The following SMAD4 variants were observed in gnomAD, a reference collection of about 807,000 sequenced individuals.
SMAD4 encodes MAD homolog 4.
SMAD4 carries 7 observed loss-of-function variants against 63.2 expected under a neutral mutation model. The ratio of observed to expected loss-of-function variants is 0.11; its 90% confidence interval spans 0.06 to 0.21. The LOEUF (loss-of-function observed/expected upper bound fraction) is 0.21, where lower values mean the gene tolerates loss of function less well. Among genes scored for constraint, SMAD4 ranks in the 10% least tolerant of loss-of-function variants. The pLI, the probability that SMAD4 is intolerant of heterozygous loss-of-function variation, is 1.00. For synonymous variants in SMAD4, 215 were observed against 235.4 expected, an observed-to-expected ratio of 0.91 and a Z score of 0.79; for missense variants, 312 against 693.8, an observed-to-expected ratio of 0.45 and a Z score of 6.18.
chr18:51,065,912 A>G (rs1393532374), intron 9 of SMAD4, among the ~76,000 whole-genome samples: 2 of 152,342 alleles, frequency 1.3e-5, no homozygotes, highest in East Asian at 3.9e-4. Context: ...ATTTCTACAA[A>G]TTACTGAAAG....
rs757702252 is a variant in SMAD4 at position 51,047,054 on chromosome 18, A to G, written c.8A>G (p.Asn3Ser). 2 of 1,613,598 alleles carry G rather than the reference A, an allele frequency of 1.2e-6. No homozygotes were observed. The highest frequency in any genetic ancestry group is 8.5e-7 in the Non-Finnish European group (1 of 1,179,530). The change falls in exon 2 of 12, where the codon AAT becomes AGT. Residue 3 changes from asparagine to serine, a missense_variant. This residue lies in a region of SMAD4 where 37 missense variants were observed against 87.3 expected (regional missense o/e 0.42). Transcript: ENST00000342988. ...AAGGAAAAACTTGAACAAATGGACA[A>G]TATGTCTATTACGAATACACCAACA... Reference protein sequence around the residue: MDNMSITNTPTSN... With the variant: MDSMSITNTPTSN...
At chr18:51,064,331 T>A (rs1357658519) in intron 8 of SMAD4, among the ~76,000 whole-genome samples, 6 of 152,248 alleles carry the variant, frequency 3.9e-5, no homozygotes, top group Non-Finnish European at 2.9e-5. Context: ...CCATCCAGTC[T>A]GAAGTGTTCT....
In SMAD4 at chr18:51,058,455, C is replaced by A. The variant is rs746084369; in HGVS notation, c.903C>A (p.Tyr301Ter). 1 of 1,602,546 alleles carries A rather than the reference C, an allele frequency of 6.2e-7. No individual in the cohort carries two copies. The highest frequency in any genetic ancestry group is 8.5e-7 in the Non-Finnish European group (1 of 1,170,550). The change falls in exon 7 of 12, where the codon TAC becomes TAA. Residue 301 changes from tyrosine to a stop codon, truncating the protein, a stop_gained and splice_region_variant. Transcript: ENST00000342988. LOFTEE classifies it high-confidence loss of function. ...HPPMPPHPGH[Y>*]WPVHNELAFQ... Reference sequence around the variant, plus strand: ...CTATGCCGCCCCATCCCGGACATTACTGTAAGCTCTTGTTTTTGTTGTAAG... The same window carrying A: ...CTATGCCGCCCCATCCCGGACATTAATGTAAGCTCTTGTTTTTGTTGTAAG...
chr18:51,036,817 T>C (rs766698684), intron 1 of SMAD4, among the ~76,000 whole-genome samples: 2 of 152,164 alleles, frequency 1.3e-5, no homozygotes, highest in African/African-American at 2.4e-5. Context: ...ACATCCCCCT[T>C]TGAAGGAATA....
chr18:51,076,836 A>C (rs2144475162), intron 11 of SMAD4, 60 bp downstream of exon 11: 1 of 1,321,374 alleles, frequency 7.6e-7, no homozygotes, highest in Non-Finnish European at 1.0e-6. Flanking sequence ...ATCTTGATTT[A>C]CTCAGTTGAT....
At chr18:51,035,226 G>A (rs1364010578) in intron 1 of SMAD4, among the ~76,000 whole-genome samples, 1 of 152,078 alleles carries the variant, frequency 6.6e-6, no homozygotes, top group African/African-American at 2.4e-5. Context: ...TGAACTGTCT[G>A]GTAGTAAGTT....
At chr18:51,052,585 C>G (rs1251743864) in intron 4 of SMAD4, 1 of 243,824 alleles carries the variant, frequency 4.1e-6, no homozygotes, top group African/African-American at 2.3e-5. Context: ...TTTTTCTGGA[C>G]TTTAAAAAAT....
At chr18:51,034,392 G>A (rs990926404) in intron 1 of SMAD4, among the ~76,000 whole-genome samples, 5 of 151,818 alleles carry the variant, frequency 3.3e-5, no homozygotes, top group South Asian at 2.1e-4. Context: ...GATTACAGGC[G>A]TGCGCCACCA....
intron 5 of SMAD4, among the ~76,000 whole-genome samples, chr18:51,055,585 A>G (rs926726813): frequency 2.0e-5 from 3 of 151,418 alleles, no homozygotes; most frequent in South Asian, 2.1e-4. Context: ...CATAGGAGGG[A>G]GAGGGGCTGC....
At chr18:51,039,130 A>G (rs1909296744) in intron 1 of SMAD4, among the ~76,000 whole-genome samples, 1 of 152,160 alleles carries the variant, frequency 6.6e-6, no homozygotes, top group South Asian at 2.1e-4. Context: ...GAATAAAGGG[A>G]TCCTGAGATC....
chr18:51,060,293 C>T (rs1338756318), intron 8 of SMAD4, among the ~76,000 whole-genome samples: 1 of 152,170 alleles, frequency 6.6e-6, no homozygotes. Flanking sequence ...AAAAATAATT[C>T]ACTCTATTCA....
Position 51,040,421 on chromosome 18 carries a change from C to CAA in SMAD4, c.-127-6485_-127-6484dup, listed in dbSNP as rs11444945. Among the ~76,000 whole-genome samples the CAA allele has an allele frequency of 6.4e-3, 888 of 138,498 alleles. 10 individuals are homozygous for CAA. The highest frequency in any genetic ancestry group is 0.018 in the African/African-American group (669 of 37,208). The allele number at this position is 138,498 out of a possible 152,430, so 90.9% of individuals were successfully genotyped here. A position where few individuals can be genotyped will look rare whatever the true frequency, so the allele number is the denominator to read the frequency against. On this transcript the variant is annotated intron_variant, in intron 1 of 11. Coordinates refer to ENST00000342988, the MANE Select transcript of SMAD4 (RefSeq NM_005359.6). The stretch of plus-strand genomic sequence containing the variant: ...CCTGGGCCACAGTGAAACTCTGTCT[C>CAA]AAAAAAAAAAAAAAATTTTAAGCAC...
intron 10 of SMAD4, among the ~76,000 whole-genome samples, chr18:51,068,461 A>T (rs1183884975): frequency 6.6e-6 from 1 of 152,242 alleles, no homozygotes; most frequent in Non-Finnish European, 1.5e-5. Flanking sequence ...TCTGAAAAAC[A>T]TAATCGCGGT....
At position 51,080,724 on chromosome 18, in the gene SMAD4, T is replaced by G. The variant is rs1247021678; in HGVS notation, c.*2257T>G. The G allele has an allele frequency of 5.8e-6, 1 of 172,930 alleles. No homozygotes were observed. Among genetic ancestry groups the G allele is most frequent in the East Asian group, 1.0e-4 (1 of 9,666 alleles). 10.7% of individuals were successfully genotyped at this position (172,930 alleles called of 1,614,324 possible). On this transcript the variant is annotated 3_prime_UTR_variant, in exon 12 of 12. Transcript: ENST00000342988. ...GCCTGGCTAACTTTTGTAGTTTTAG[T>G]AGAGACGGGGTTTTGCCTGTTGGCC...
At chr18:51,033,072 G>A (rs937843866) in intron 1 of SMAD4, among the ~76,000 whole-genome samples, 1 of 151,780 alleles carries the variant, frequency 6.6e-6, no homozygotes, top group Non-Finnish European at 1.5e-5. Context: ...TTGTCTTAAA[G>A]CCATGATGAA....
intron 10 of SMAD4, among the ~76,000 whole-genome samples, chr18:51,067,772 T>C (rs1910204480): frequency 6.6e-6 from 1 of 152,180 alleles, no homozygotes; most frequent in Non-Finnish European, 1.5e-5. Flanking sequence ...GCCTCCAAAG[T>C]TGTATTCCTG....
intron 1 of SMAD4, among the ~76,000 whole-genome samples, chr18:51,035,929 A>T (rs1386571964): frequency 6.6e-6 from 1 of 152,226 alleles, no homozygotes; most frequent in Non-Finnish European, 1.5e-5. Flanking sequence ...TGTTATTTTT[A>T]AAAAGTGCCT....
At chr18:51,062,959 C>T (rs1018520867) in intron 8 of SMAD4, among the ~76,000 whole-genome samples, 1 of 138,456 alleles carries the variant, frequency 7.2e-6, no homozygotes, top group East Asian at 2.4e-4. Flanking sequence ...CGGGTTCACA[C>T]CATTCTGCCT....
intron 1 of SMAD4, among the ~76,000 whole-genome samples, chr18:51,046,502 A>T (rs571167866): frequency 8.0e-5 from 12 of 150,398 alleles, no homozygotes; most frequent in Admixed American, 8.0e-4. Context: ...GTAGAATTTC[A>T]TACCAGGCGA....
Sources: allele counts gnomAD v4.1 joint callset (sites outside exome capture counted in the v4.1 genomes callset), GRCh38; gene constraint gnomAD v4.1.1; regional missense constraint gnomAD v4.1.1; transcripts MANE v1.5; gene names NCBI Gene and HGNC (gene_info 2026-07-23, HGNC 2026-07-21).